The following PCDH11X variants were observed in gnomAD, a reference collection of about 807,000 sequenced individuals.
The protein encoded by PCDH11X is protocadherin 11 X-linked.
In PCDH11X, 18 loss-of-function variants were observed where a neutral mutation model predicts 53.3. That is an observed-to-expected ratio of 0.34 (90% CI 0.23 to 0.50). The LOEUF (loss-of-function observed/expected upper bound fraction) is 0.50, where lower values mean the gene tolerates loss of function less well. Among genes scored for constraint, PCDH11X ranks in the 20% least tolerant of loss-of-function variants. The pLI, the probability that PCDH11X is intolerant of heterozygous loss-of-function variation, is 0.98. For missense variants in PCDH11X, 570 were observed against 1,032.4 expected (o/e 0.55, Z 6.14); for synonymous variants, 279 against 393.3 (o/e 0.71, Z 3.44).
At chrX:91,857,298 G>T (rs1416810200) in intron 5 of PCDH11X, among the ~76,000 whole-genome samples, 2 of 111,052 alleles carry the variant, frequency 1.8e-5, no homozygotes, top group Admixed American at 1.9e-4. Context: ...CTCACACCAG[G>T]TTCCTCCCAT....
intron 6 of PCDH11X, among the ~76,000 whole-genome samples, chrX:92,093,794 C>T (rs757607385): frequency 1.8e-5 from 2 of 110,533 alleles, no homozygotes; most frequent in South Asian, 7.9e-4. Context: ...TGCTCAGACT[C>T]ATCACGGAAA....
chrX:92,345,939 A>C (rs1382983364), intron 8 of PCDH11X, among the ~76,000 whole-genome samples: 1 of 109,644 alleles, frequency 9.1e-6, no homozygotes. Context: ...GTGAGTAGCT[A>C]ATATAGCAAA....
At chrX:91,886,924 T>A (rs1229119970) in intron 6 of PCDH11X, among the ~76,000 whole-genome samples, 2 of 95,296 alleles carry the variant, frequency 2.1e-5, no homozygotes, top group Non-Finnish European at 2.0e-5. Flanking sequence ...TGAGCCAAGA[T>A]GGCGCCACTG....
At chrX:92,243,548 T>G (rs1344850027) in intron 7 of PCDH11X, among the ~76,000 whole-genome samples, 1 of 111,072 alleles carries the variant, frequency 9.0e-6, no homozygotes, top group Non-Finnish European at 1.9e-5. Context: ...ATTCCTTCCA[T>G]TTTATTCTTT....
At chrX:92,562,861 G>A (rs1483054642) in intron 10 of PCDH11X, among the ~76,000 whole-genome samples, 1 of 109,902 alleles carries the variant, frequency 9.1e-6, no homozygotes, top group African/African-American at 3.3e-5. Context: ...GGACTTCATT[G>A]TTTATATGAC....
At chrX:92,187,364 C>A (rs1369226070) in intron 6 of PCDH11X, among the ~76,000 whole-genome samples, 1 of 111,743 alleles carries the variant, frequency 8.9e-6, no homozygotes, top group African/African-American at 3.3e-5. Context: ...TTGCAATCTC[C>A]CAGATAACTC....
intron 10 of PCDH11X, among the ~76,000 whole-genome samples, chrX:92,517,997 T>C (rs1165518283): frequency 4.6e-5 from 5 of 109,517 alleles, no homozygotes; most frequent in Non-Finnish European, 9.6e-5. Flanking sequence ...CAGCTCTGTC[T>C]TCTTTTGGTA....
At chrX:92,525,354 GGC>G (rs1490653635) in intron 10 of PCDH11X, among the ~76,000 whole-genome samples, 1 of 111,722 alleles carries the variant, frequency 9.0e-6, no homozygotes, top group African/African-American at 3.3e-5. Context: ...GAGTTGGCTG[GGC>G]GCGGTGGCTC....
chrX:92,206,175 A>G (rs1180023980), intron 7 of PCDH11X, among the ~76,000 whole-genome samples: 3 of 111,918 alleles, frequency 2.7e-5, no homozygotes, highest in Non-Finnish European at 5.6e-5. Flanking sequence ...TGTATATGGT[A>G]TTATTACAGG....
chrX:91,841,264 G>T (rs2147632429), intron 5 of PCDH11X, among the ~76,000 whole-genome samples: 1 of 111,716 alleles, frequency 9.0e-6, no homozygotes, highest in South Asian at 3.7e-4. Context: ...CTTGGTTAGT[G>T]TTCATCGTCC....
intron 6 of PCDH11X, among the ~76,000 whole-genome samples, chrX:91,898,180 C>T (rs1441209631): frequency 9.1e-6 from 1 of 109,349 alleles, no homozygotes; most frequent in Non-Finnish European, 1.9e-5. Flanking sequence ...TAGATGAACT[C>T]ATCTAATCTT....
chrX:92,500,302 C>T (rs2073938906), intron 10 of PCDH11X, among the ~76,000 whole-genome samples: 1 of 111,589 alleles, frequency 9.0e-6, no homozygotes, highest in African/African-American at 3.3e-5. Flanking sequence ...TGACACGAAA[C>T]TATAAAAATC....
chrX:92,099,935 A>C (rs1230548084), intron 6 of PCDH11X, among the ~76,000 whole-genome samples: 1 of 111,339 alleles, frequency 9.0e-6, no homozygotes, highest in African/African-American at 3.3e-5. Flanking sequence ...CAAGCAGCCA[A>C]GGATGAATGA....
intron 6 of PCDH11X, among the ~76,000 whole-genome samples, chrX:92,142,346 G>C (rs2148218199): frequency 1.0e-5 from 1 of 100,464 alleles, no homozygotes; most frequent in Admixed American, 1.1e-4. Context: ...AGTAGAGACA[G>C]TTGGTCCATG....
At chrX:92,341,843 G>A (rs777184512) in intron 8 of PCDH11X, among the ~76,000 whole-genome samples, 15 of 111,675 alleles carry the variant, frequency 1.3e-4, no homozygotes, top group African/African-American at 4.6e-4. Context: ...AAGTGTGACC[G>A]AATTAAACTA....
At chrX:92,506,216 CTTTTTTTTTTTT>C (rs1180678297) in intron 10 of PCDH11X, among the ~76,000 whole-genome samples, 1 of 40,207 alleles carries the variant, frequency 2.5e-5, no homozygotes, top group Non-Finnish European at 4.1e-5. Context: ...CTTTTCTTTT[CTTTTTTTTTTTT>C]TTTTTTTTTT....
intron 8 of PCDH11X, among the ~76,000 whole-genome samples, chrX:92,375,334 C>T (rs1182196596): frequency 2.0e-5 from 2 of 98,240 alleles, no homozygotes; most frequent in Non-Finnish European, 4.1e-5. Context: ...CACCACCAAG[C>T]CTGGCTAATT....
chrX:91,806,786 G>A (rs758990977), intron 1 of PCDH11X, among the ~76,000 whole-genome samples: 3 of 111,531 alleles, frequency 2.7e-5, no homozygotes, highest in African/African-American at 9.7e-5. Flanking sequence ...TATTCCTTGT[G>A]GTTTTCCCTT....
intron 10 of PCDH11X, among the ~76,000 whole-genome samples, chrX:92,544,643 G>A (rs1394976232): frequency 9.1e-6 from 1 of 110,492 alleles, no homozygotes; most frequent in Non-Finnish European, 1.9e-5. Flanking sequence ...TGAAGACACC[G>A]TAAATTCAAC....
Sources: gnomAD v4.1 joint callset for allele counts (sites outside exome capture counted in the v4.1 genomes callset) on GRCh38, gnomAD v4.1.1 for gene constraint, MANE v1.5 for transcripts, NCBI Gene and HGNC (gene_info 2026-07-23, HGNC 2026-07-21) for gene names.